The following SZT2 variants were observed in gnomAD, a reference collection of about 807,000 sequenced individuals.
SZT2 encodes the protein KICSTOR complex protein SZT2.
SZT2 carries 216 observed loss-of-function variants against 404.2 expected under a neutral mutation model. That is an observed-to-expected ratio of 0.53 (90% CI 0.48 to 0.60). SZT2 has a LOEUF of 0.60. SZT2 is among the 20% of genes least tolerant of loss of function. SZT2 has a pLI of 0.00. For synonymous variants in SZT2, 1,693 were observed against 1,749.9 expected (o/e 0.97, Z 0.81); for missense variants, 3,857 against 4,459.2 (o/e 0.86, Z 3.85).
chr1:43,392,304 G>T (rs1648483409), intron 1 of SZT2, among the ~76,000 whole-genome samples: 1 of 151,794 alleles, frequency 6.6e-6, no homozygotes, highest in Non-Finnish European at 1.5e-5. Flanking sequence ...TAGCAACATT[G>T]TAAGTGCTCA....
At chr1:43,401,590 G>A (rs752445193) in intron 1 of SZT2, among the ~76,000 whole-genome samples, 14 of 151,970 alleles carry the variant, frequency 9.2e-5, no homozygotes, top group African/African-American at 2.2e-4. Context: ...GGGTTCAAGC[G>A]ATCTCCTGCC....
chr1:43,420,969 G>C lies in SZT2; in HGVS notation c.1482G>C (p.Trp494Cys). The C allele has an allele frequency of 1.3e-6, 2 of 1,598,396 alleles. No individual in the cohort carries two copies. Among genetic ancestry groups the C allele is most frequent in the Non-Finnish European group, 1.7e-6 (2 of 1,179,812 alleles). Residue 494 changes from tryptophan to cysteine, a missense_variant, in exon 10 of 72, where the codon TGG (tryptophan) becomes TGC (cysteine). Trp to Cys is a radical substitution (Grantham distance 215). Transcript: ENST00000634258. This position sits in a 1 kb window ranked among gnomAD's most constrained non-coding sequence, Gnocchi z 5.1. ...LYRTHVIRRF[W>C]NTLQSINQTD... ...GTACCCATGTTATCCGGCGTTTCTG[G>C]AACACGCTGCAGAGGTCAGTGAAGT...
At chr1:43,411,239 T>C (rs1570590673) in intron 4 of SZT2, among the ~76,000 whole-genome samples, 1 of 152,236 alleles carries the variant, frequency 6.6e-6, no homozygotes, top group East Asian at 1.9e-4. Context: ...TGGAGGGCAC[T>C]GCCCCTTGGG....
chr1:43,428,440 G>C lies in SZT2; in HGVS notation c.4120G>C (p.Glu1374Gln). The part of the protein sequence containing the change: ...SPGPFSSSME[E>Q]GAEPRERAIL... Reference sequence around the variant, plus strand: ...TGGGCCCTTCAGCAGCAGCATGGAGGAGGGTGCTGAACCTCGGGAACGAGC... The same window carrying C: ...TGGGCCCTTCAGCAGCAGCATGGAGCAGGGTGCTGAACCTCGGGAACGAGC... Residue 1374 changes from glutamate to glutamine, a missense_variant, in exon 28 of 72, where the codon GAG (glutamate) becomes CAG (glutamine). Transcript: ENST00000634258. 6.2e-7 allele frequency: 1 copy of C among 1,614,160 alleles called. No homozygotes were observed. Among genetic ancestry groups the C allele is most frequent in the Non-Finnish European group, 8.5e-7 (1 of 1,180,016 alleles).
chr1:43,401,172 A>G (rs1649639660), intron 1 of SZT2, among the ~76,000 whole-genome samples: 1 of 152,110 alleles, frequency 6.6e-6, no homozygotes, highest in South Asian at 2.1e-4. Context: ...CGGCCTGCCC[A>G]CCTCAATCTC....
chr1:43,389,984 C>G lies in SZT2; in HGVS notation c.16C>G (p.Pro6Ala), dbSNP rs1648071529. The G allele has an allele frequency of 7.2e-7, 1 of 1,395,698 alleles. No homozygotes were observed. The highest frequency in any genetic ancestry group is 9.3e-7 in the Non-Finnish European group (1 of 1,078,010). 86.5% of individuals were successfully genotyped at this position (1,395,698 alleles called of 1,614,324 possible). MASER[P>A]EPEVEEAGQV... is the part of the protein sequence containing the mutation. ...GGGCTGTGTGATGGCCTCGGAGCGCCCGGAGCCGGAGGTGAGGGGCGGGCG... is the reference window on the plus strand; with the variant it reads ...GGGCTGTGTGATGGCCTCGGAGCGCGCGGAGCCGGAGGTGAGGGGCGGGCG... The change falls in exon 1 of 72, where the codon CCG becomes GCG. Residue 6 changes from proline to alanine, a missense_variant. Coordinates refer to ENST00000634258, the MANE Select transcript of SZT2 (RefSeq NM_001365999.1).
Position 43,415,135 on chromosome 1 carries a change from G to A in SZT2, c.552G>A (p.Gln184=). 6.3e-7 allele frequency: 1 copy of A among 1,598,164 alleles called. No individual in the cohort carries two copies. Among genetic ancestry groups the A allele is most frequent in the Non-Finnish European group, 8.5e-7 (1 of 1,179,612 alleles). The change falls in exon 5 of 72, where the codon CAG becomes CAA. Residue 184 remains glutamine (Q), a synonymous_variant. Transcript: ENST00000634258. ...LDPSQREVFL[Q]QIYEQLCLFE... is the part of the protein sequence containing the mutation. ...CTTCCCAGCGGGAGGTGTTCCTGCA[G>A]CAGATATATGAGCAGCTCTGCCTCT...
chr1:43,436,059 T>C (rs890370339), intron 42 of SZT2: 5 of 152,192 alleles, frequency 3.3e-5, no homozygotes, highest in African/African-American at 1.2e-4. Flanking sequence ...TAAGGGAACA[T>C]GATAATCCAC....
Position 43,452,126 on chromosome 1 carries a change from G to A in SZT2, c.*1646G>A, listed in dbSNP as rs41270371. 55,435 of 1,485,868 alleles carry A rather than the reference G, an allele frequency of 0.037. 1,244 individuals are homozygous for A. The highest frequency in any genetic ancestry group is 0.042 in the Non-Finnish European group (45,567 of 1,073,332). The allele number at this position is 1,485,868 out of a possible 1,614,324, so 92.0% of individuals were successfully genotyped here. A position where few individuals can be genotyped will look rare whatever the true frequency, so the allele number is the denominator to read the frequency against. ...CTCTGACCTAGGCTGGCAGCCTCAC[G>A]TGCTGTCCCCACTGTGCACCCCCTT... On this transcript the variant is annotated 3_prime_UTR_variant, in exon 72 of 72. Coordinates refer to ENST00000634258, the MANE Select transcript of SZT2 (RefSeq NM_001365999.1).
In SZT2 at chr1:43,422,198, G is replaced by A. The variant is rs747998865; in HGVS notation, c.1742G>A (p.Arg581His). The A allele has an allele frequency of 3.3e-5, 53 of 1,593,726 alleles. No homozygotes were observed. The highest frequency in any genetic ancestry group is 1.7e-4 in the Middle Eastern group (1 of 6,056). The change falls in exon 12 of 72, where the codon CGC becomes CAC. Residue 581 changes from arginine to histidine, a missense_variant. This residue lies in a region of SZT2 where 1,725 missense variants were observed against 1,881.0 expected (regional missense o/e 0.92). Transcript: ENST00000634258. ...NSWQRWLHMH[R>H]LVLILEHDTP... The stretch of plus-strand genomic sequence containing the variant: ...TGGCAGCGATGGCTGCACATGCATC[G>A]CCTGGTGCTAATCCTGGAGCATGAC...
rs2782645 is a variant in SZT2, at chr1:43,422,931, G to A, written c.2037+48G>A. The A allele has an allele frequency of 0.39, 588,717 of 1,528,448 alleles. 118,619 individuals carry two copies. Among genetic ancestry groups the A allele is most frequent in the Non-Finnish European group, 0.42 (476,085 of 1,138,216 alleles). 94.7% of individuals were successfully genotyped at this position (1,528,448 alleles called of 1,614,324 possible). A position where few individuals can be genotyped will look rare whatever the true frequency, so the allele number is the denominator to read the frequency against. On this transcript the variant is annotated intron_variant, in intron 14 of 71. Coordinates refer to ENST00000634258, the MANE Select transcript of SZT2 (RefSeq NM_001365999.1). Reference sequence around the variant, plus strand: ...CTGACCAAGGAGCCCTAGGGTGTAGGATAGCTCCCTCTCCCCAAACCCCAC... The same window carrying A: ...CTGACCAAGGAGCCCTAGGGTGTAGAATAGCTCCCTCTCCCCAAACCCCAC...
intron 4 of SZT2, among the ~76,000 whole-genome samples, chr1:43,409,248 G>A (rs1009152373): frequency 6.6e-6 from 1 of 152,102 alleles, no homozygotes; most frequent in Non-Finnish European, 1.5e-5. Context: ...AGAGAGTAGT[G>A]TACCCTCCAG....
At chr1:43,415,753 G>A (rs900542162) in intron 5 of SZT2, among the ~76,000 whole-genome samples, 8 of 152,204 alleles carry the variant, frequency 5.3e-5, no homozygotes, top group African/African-American at 1.2e-4. Flanking sequence ...ATCTGATGCC[G>A]AACTCCCTTC....
chr1:43,448,785 CAG>C lies in SZT2; in HGVS notation c.10086+59_10086+60del. The stretch of plus-strand genomic sequence containing the variant: ...AAACACAGCAGAAATCCTCACCAAA[CAG>C]ATGTGCCCCTCAGCCTGACCAAACA... On this transcript the variant is annotated intron_variant, in intron 70 of 71. Transcript: ENST00000634258. The surrounding 1 kb of genome is among the most constrained non-coding windows in gnomAD (Gnocchi z 4.2). 1 of 1,514,402 alleles carries C rather than the reference CAG, an allele frequency of 6.6e-7. No homozygotes were observed. The highest frequency in any genetic ancestry group is 9.2e-7 in the Non-Finnish European group (1 of 1,090,300). The allele number at this position is 1,514,402 out of a possible 1,614,324, so 93.8% of individuals were successfully genotyped here. A position where few individuals can be genotyped will look rare whatever the true frequency, so the allele number is the denominator to read the frequency against.
At position 43,391,917 on chromosome 1, in the gene SZT2, T is replaced by TA. The variant is rs1377633657; in HGVS notation, c.27+1930dup. The stretch of plus-strand genomic sequence containing the variant: ...TAAAACGGTGAAACCCTGTCTCTAC[T>TA]AAAAAAAATACAAAAAATTAGCTGG... On this transcript the variant is annotated intron_variant, in intron 1 of 71. Transcript: ENST00000634258. Among the ~76,000 whole-genome samples the TA allele has an allele frequency of 1.0e-4, 7 of 68,242 alleles. 2 individuals carry two copies. Among genetic ancestry groups the TA allele is most frequent in the Admixed American group, 3.0e-4 (2 of 6,674 alleles). 44.8% of individuals were successfully genotyped at this position (68,242 alleles called of 152,430 possible). A position where few individuals can be genotyped will look rare whatever the true frequency, so the allele number is the denominator to read the frequency against.
In SZT2 at chr1:43,430,478, T is replaced by C. The variant is rs202021617; in HGVS notation, c.4481-18T>C. 117 of 1,611,352 alleles carry C rather than the reference T, an allele frequency of 7.3e-5. No individual in the cohort carries two copies. Among genetic ancestry groups the C allele is most frequent in the Middle Eastern group, 1.7e-4 (1 of 6,050 alleles). On this transcript the variant is annotated intron_variant, in intron 31 of 71. Coordinates refer to ENST00000634258, the MANE Select transcript of SZT2 (RefSeq NM_001365999.1). Reference sequence around the variant, plus strand: ...CACTGCCAGCCTCTCTCATTGACCATGTGACATGCACTACTAGGAGACACA... The same window carrying C: ...CACTGCCAGCCTCTCTCATTGACCACGTGACATGCACTACTAGGAGACACA...
chr1:43,451,005 G>A lies in SZT2; in HGVS notation c.*525G>A. The stretch of plus-strand genomic sequence containing the variant: ...TCAAGTCCCTTTGCTCTCGGACCCT[G>A]GGTTTCTCATCCTTTAATGAGGTGG... On this transcript the variant is annotated 3_prime_UTR_variant, in exon 72 of 72. Coordinates refer to ENST00000634258, the MANE Select transcript of SZT2 (RefSeq NM_001365999.1). The A allele has an allele frequency of 1.3e-6, 1 of 767,710 alleles. No homozygotes were observed. The highest frequency in any genetic ancestry group is 2.4e-6 in the Non-Finnish European group (1 of 421,002). 47.6% of individuals were successfully genotyped at this position (767,710 alleles called of 1,614,324 possible). A position where few individuals can be genotyped will look rare whatever the true frequency, so the allele number is the denominator to read the frequency against.
rs142065946 is a variant in SZT2, at chr1:43,406,248, C to T, written c.498+1698C>T. ...GATTACAGGTGCCCACTACCACACCCGGCTAATTTTTGTTTTTTTTGTTTT... is the reference window on the plus strand; with the variant it reads ...GATTACAGGTGCCCACTACCACACCTGGCTAATTTTTGTTTTTTTTGTTTT... On this transcript the variant is annotated intron_variant, in intron 4 of 71. Transcript: ENST00000634258. 5.2e-3 allele frequency: 1,731 copies of T among 329,824 alleles called. 17 individuals carry two copies. The highest frequency in any genetic ancestry group is 0.023 in the East Asian group (169 of 7,372). 20.4% of individuals were successfully genotyped at this position (329,824 alleles called of 1,614,324 possible). A position where few individuals can be genotyped will look rare whatever the true frequency, so the allele number is the denominator to read the frequency against.
At chr1:43,413,234 T>C (rs11580890) in intron 4 of SZT2, among the ~76,000 whole-genome samples, 31,878 of 152,026 alleles carry the variant, frequency 0.21, 3,538 homozygotes, top group East Asian at 0.41. Flanking sequence ...AATACAAAAA[T>C]TAGCTGAGCG....
Sources: allele counts gnomAD v4.1 joint callset (sites outside exome capture counted in the v4.1 genomes callset), GRCh38; gene constraint gnomAD v4.1.1; regional missense constraint gnomAD v4.1.1; non-coding constraint Gnocchi (gnomAD v3.1); transcripts MANE v1.5; gene names NCBI Gene and HGNC (gene_info 2026-07-23, HGNC 2026-07-21).